The following CADM1 variants were observed in gnomAD, a reference collection of about 807,000 sequenced individuals.
The protein encoded by CADM1 is cell adhesion molecule 1.
Under a neutral mutation model 53.1 loss-of-function variants are expected in CADM1, and 15 were observed. The ratio of observed to expected loss-of-function variants is 0.28; its 90% confidence interval spans 0.19 to 0.44. CADM1 has a LOEUF of 0.44. CADM1 is among the 20% of genes least tolerant of loss of function. CADM1 has a pLI of 1.00. For synonymous variants in CADM1, 281 were observed against 243.0 expected (o/e 1.16, Z -1.45); for missense variants, 434 against 611.3 (o/e 0.71, Z 3.06).
chr11:115,199,882 C>T (rs532673750), intron 8 of CADM1, among the ~76,000 whole-genome samples: 17 of 152,308 alleles, frequency 1.1e-4, no homozygotes, highest in South Asian at 2.1e-4. Flanking sequence ...GCTGTGGAGA[C>T]GCCAAAAGAC....
intron 1 of CADM1, among the ~76,000 whole-genome samples, chr11:115,306,805 A>T (rs1050972765): frequency 2.0e-5 from 3 of 152,024 alleles, no homozygotes; most frequent in African/African-American, 7.2e-5. Context: ...CAGTAATGAA[A>T]TTCACAGACA....
intron 10 of CADM1, among the ~76,000 whole-genome samples, chr11:115,181,901 G>A (rs1268633006): frequency 6.6e-6 from 1 of 152,212 alleles, no homozygotes; most frequent in Non-Finnish European, 1.5e-5. Flanking sequence ...GGGGAACTGG[G>A]CTACTGGAGT....
chr11:115,214,396 T>C, intron 7 of CADM1: 1 of 584,752 alleles, frequency 1.7e-6, no homozygotes, highest in Non-Finnish European at 3.0e-6. Flanking sequence ...GACTGTGATC[T>C]AGTAGAAACA....
At chr11:115,503,564 C>G (rs1591313910) in intron 1 of CADM1, among the ~76,000 whole-genome samples, 1 of 152,250 alleles carries the variant, frequency 6.6e-6, no homozygotes, top group Admixed American at 6.5e-5. Context: ...AGCGGCCGCC[C>G]CCCCCGCGGG....
At chr11:115,435,808 T>C (rs1948171320) in intron 1 of CADM1, among the ~76,000 whole-genome samples, 1 of 152,218 alleles carries the variant, frequency 6.6e-6, no homozygotes, top group Non-Finnish European at 1.5e-5. Context: ...GTTTTTGCAT[T>C]ACAACAACCG....
rs944896586 is a variant in CADM1, at chr11:115,174,384, G to A, written c.*2090C>T. The A allele has an allele frequency of 4.2e-5, 41 of 985,254 alleles. No homozygotes were observed. The highest frequency in any genetic ancestry group is 2.3e-4 in the East Asian group (2 of 8,814). The allele number at this position is 985,254 out of a possible 1,614,324, so 61.0% of individuals were successfully genotyped here. A position where few individuals can be genotyped will look rare whatever the true frequency, so the allele number is the denominator to read the frequency against. On this transcript the variant is annotated 3_prime_UTR_variant, in exon 12 of 12. Coordinates refer to ENST00000331581, the MANE Select transcript of CADM1 (RefSeq NM_001301043.2). ...CCTTTGATATGATTATACTATGGTC[G>A]GAATGGGTGCTAAGGGCTCGGAATA...
At chr11:115,492,298 G>T (rs1949514091) in intron 1 of CADM1, among the ~76,000 whole-genome samples, 2 of 152,174 alleles carry the variant, frequency 1.3e-5, no homozygotes, top group Non-Finnish European at 1.5e-5. Context: ...AAATTGAAAG[G>T]ATATACAAGA....
intron 1 of CADM1, among the ~76,000 whole-genome samples, chr11:115,329,457 T>G (rs1444541843): frequency 1.3e-5 from 2 of 152,048 alleles, no homozygotes; most frequent in African/African-American, 4.8e-5. Flanking sequence ...TCACAAGACA[T>G]GCAACAGGGG....
chr11:115,488,002 C>G (rs1230649923), intron 1 of CADM1, among the ~76,000 whole-genome samples: 1 of 148,706 alleles, frequency 6.7e-6, no homozygotes, highest in Non-Finnish European at 1.5e-5. Context: ...GTTAATGCCT[C>G]TAACTTAAAA....
intron 1 of CADM1, among the ~76,000 whole-genome samples, chr11:115,471,467 T>G (rs1376085474): frequency 6.6e-6 from 1 of 152,206 alleles, no homozygotes; most frequent in East Asian, 1.9e-4. Flanking sequence ...TCACAGAGGC[T>G]GAGCAATGGA....
chr11:115,302,493 G>A (rs561386714), intron 1 of CADM1, among the ~76,000 whole-genome samples: 2 of 152,076 alleles, frequency 1.3e-5, no homozygotes, highest in East Asian at 3.9e-4. Flanking sequence ...AGGTATTATG[G>A]AGTCATATCA....
rs549435876 is a variant in CADM1, at chr11:115,381,468, A to C, written c.124+122803T>G. Among the ~76,000 whole-genome samples, 10 of 152,310 alleles carry C rather than the reference A, an allele frequency of 6.6e-5. No individual in the cohort carries two copies. In the East Asian group the frequency reaches 7.7e-4, roughly 12 times the overall value. On this transcript the variant is annotated intron_variant, in intron 1 of 11. Coordinates refer to ENST00000331581, the MANE Select transcript of CADM1 (RefSeq NM_001301043.2). ...CAAGGTTAACCCACTAATCACTGAG[A>C]GTCCACAACATGTAGCAAAAACAGT...
chr11:115,497,384 AGGTTTTTCTCAGTGCTG>A (rs1471549348), intron 1 of CADM1, among the ~76,000 whole-genome samples: 2 of 152,190 alleles, frequency 1.3e-5, no homozygotes, highest in Non-Finnish European at 2.9e-5. Flanking sequence ...CAGTCATAAC[AGGTTTTTCTCAGTGCTG>A]GGTTTTTCTC....
chr11:115,260,352 C>T (rs991059759), intron 1 of CADM1, among the ~76,000 whole-genome samples: 2 of 152,206 alleles, frequency 1.3e-5, no homozygotes, highest in Non-Finnish European at 2.9e-5. Flanking sequence ...GGTTCCCTTC[C>T]GTGGTTTGTA....
intron 1 of CADM1, among the ~76,000 whole-genome samples, chr11:115,354,969 C>G (rs1945827375): frequency 6.6e-6 from 1 of 152,176 alleles, no homozygotes; most frequent in African/African-American, 2.4e-5. Flanking sequence ...TAAAAGAAAT[C>G]CTGCCTGTAA....
chr11:115,391,174 TA>T lies in CADM1; in HGVS notation c.124+113096del, dbSNP rs889586646. 1.4e-4 allele frequency among the ~76,000 whole-genome samples: 21 copies of T among 152,114 alleles called. No homozygotes were observed. The East Asian group carries it at 1.5e-3, about 11-fold the overall frequency. On this transcript the variant is annotated intron_variant, in intron 1 of 11. Transcript: ENST00000331581. The stretch of plus-strand genomic sequence containing the variant: ...CTTATAACCTGTCTGCATTAAACTA[TA>T]AAAAAAATGAGTACAATTAGACATA...
intron 1 of CADM1, among the ~76,000 whole-genome samples, chr11:115,320,546 A>G (rs4396320): frequency 0.64 from 97,684 of 151,946 alleles, 33,497 homozygotes; most frequent in African/African-American, 0.87. Flanking sequence ...TGTTTATAGT[A>G]TTTCCCTATA....
Position 115,325,236 on chromosome 11 carries a change from C to T in CADM1, c.125-84816G>A, listed in dbSNP as rs139473322. Among the ~76,000 whole-genome samples the T allele has an allele frequency of 4.6e-3, 699 of 152,260 alleles. 5 individuals carry two copies. Among genetic ancestry groups the T allele is most frequent in the Middle Eastern group, 0.034 (10 of 294 alleles). On this transcript the variant is annotated intron_variant, in intron 1 of 11. Transcript: ENST00000331581. ...GGGCTCTCACACCTCTATATGCTCC[C>T]GATCTTTCAGGCCTTGTAGTGAGAG...
intron 1 of CADM1, among the ~76,000 whole-genome samples, chr11:115,388,392 A>T (rs1166271013): frequency 6.6e-6 from 1 of 152,172 alleles, no homozygotes; most frequent in African/African-American, 2.4e-5. Flanking sequence ...GATCATCAAT[A>T]GATGTTAAAT....
Sources: gnomAD v4.1 joint callset for allele counts (sites outside exome capture counted in the v4.1 genomes callset) on GRCh38, gnomAD v4.1.1 for gene constraint, MANE v1.5 for transcripts, NCBI Gene and HGNC (gene_info 2026-07-23, HGNC 2026-07-21) for gene names.